Variants in EXT1 observed in about 807,000 individuals in gnomAD.
The protein encoded by EXT1 is exostosin glycosyltransferase 1, also known as exostosin-1.
A neutral mutation model predicts 82.5 loss-of-function variants in EXT1; 20 were observed. That is an observed-to-expected ratio of 0.24 (90% CI 0.17 to 0.35). The LOEUF (loss-of-function observed/expected upper bound fraction) is 0.35. EXT1 is among the 10% of genes least tolerant of loss of function. The pLI, the probability that EXT1 is intolerant of heterozygous loss-of-function variation, is 1.00. For missense variants in EXT1, 757 were observed against 936.5 expected (o/e 0.81, Z 2.50); for synonymous variants, 348 against 350.8 (o/e 0.99, Z 0.09).
At chr8:118,105,553 G>A (rs1410483160) in intron 1 of EXT1, among the ~76,000 whole-genome samples, 2 of 152,044 alleles carry the variant, frequency 1.3e-5, no homozygotes, top group East Asian at 3.9e-4. Flanking sequence ...CAGAAAGCAG[G>A]TTTAGAAAGA....
chr8:117,960,198 G>A (rs921664289), intron 1 of EXT1, among the ~76,000 whole-genome samples: 5 of 152,072 alleles, frequency 3.3e-5, no homozygotes, highest in African/African-American at 1.2e-4. Flanking sequence ...GTGACAGAGC[G>A]AGACTCCATC....
intron 1 of EXT1, among the ~76,000 whole-genome samples, chr8:118,076,861 T>C (rs1019333530): frequency 3.3e-5 from 5 of 152,180 alleles, no homozygotes; most frequent in African/African-American, 7.2e-5. Flanking sequence ...AATCAAGAAT[T>C]ATTAATGAGC....
intron 1 of EXT1, among the ~76,000 whole-genome samples, chr8:118,026,010 C>T (rs1816195343): frequency 6.6e-6 from 1 of 152,178 alleles, no homozygotes; most frequent in Admixed American, 6.5e-5. Flanking sequence ...GACTGCCACA[C>T]TCTGGATGGG....
At chr8:117,829,305 A>T (rs1461058230) in intron 4 of EXT1, among the ~76,000 whole-genome samples, 4 of 150,478 alleles carry the variant, frequency 2.7e-5, no homozygotes, top group Non-Finnish European at 4.4e-5. Flanking sequence ...GTCCTGCCTT[A>T]AAAAAAAAGC....
chr8:117,875,461 TAA>T (rs1812953292), intron 1 of EXT1, among the ~76,000 whole-genome samples: 1 of 118,706 alleles, frequency 8.4e-6, no homozygotes, highest in African/African-American at 3.5e-5. Flanking sequence ...AATAAATAAA[TAA>T]ATAAAATAAT....
intron 1 of EXT1, among the ~76,000 whole-genome samples, chr8:117,980,229 G>C (rs1815158607): frequency 6.6e-6 from 1 of 152,116 alleles, no homozygotes; most frequent in Non-Finnish European, 1.5e-5. Flanking sequence ...AAAGAACAAA[G>C]GATAAGAGAG....
At chr8:117,923,039 A>C (rs1813886269) in intron 1 of EXT1, among the ~76,000 whole-genome samples, 1 of 103,660 alleles carries the variant, frequency 9.6e-6, no homozygotes, top group South Asian at 3.1e-4. Context: ...CCAAAATTTA[A>C]AACTGCCAGG....
At chr8:117,840,719 A>G (rs1043499598) in intron 1 of EXT1, among the ~76,000 whole-genome samples, 2 of 152,218 alleles carry the variant, frequency 1.3e-5, no homozygotes, top group South Asian at 2.1e-4. Flanking sequence ...AACAATAAAA[A>G]GATAAATAAT....
Position 117,895,873 on chromosome 8 carries a change from G to A in EXT1, c.963-58672C>T, listed in dbSNP as rs140825220. Among the ~76,000 whole-genome samples, 56 of 152,186 alleles carry A rather than the reference G, an allele frequency of 3.7e-4. No individual in the cohort carries two copies. The East Asian group carries it at 9.3e-3, about 25-fold the overall frequency. On this transcript the variant is annotated intron_variant, in intron 1 of 10. Coordinates refer to ENST00000378204, the MANE Select transcript of EXT1 (RefSeq NM_000127.3). The stretch of plus-strand genomic sequence containing the variant: ...TGCCTCCGTTCGCATCCAAAGTAAC[G>A]CTCATTACCTGCAAACTCAAACTTC...
At chr8:118,048,593 T>A (rs977392345) in intron 1 of EXT1, among the ~76,000 whole-genome samples, 10 of 152,138 alleles carry the variant, frequency 6.6e-5, no homozygotes, top group Non-Finnish European at 5.9e-5. Flanking sequence ...CAGAAACCTA[T>A]TTTAGAGGGT....
intron 1 of EXT1, among the ~76,000 whole-genome samples, chr8:118,060,552 C>T (rs1345879628): frequency 6.6e-6 from 1 of 152,136 alleles, no homozygotes; most frequent in African/African-American, 2.4e-5. Context: ...GAAGCCAGTC[C>T]CCAGGGGCCT....
intron 1 of EXT1, among the ~76,000 whole-genome samples, chr8:117,936,557 G>A (rs1037185484): frequency 2.0e-5 from 3 of 152,156 alleles, no homozygotes; most frequent in Non-Finnish European, 2.9e-5. Flanking sequence ...TCTATTTTTA[G>A]GAAGATAAGT....
intron 1 of EXT1, among the ~76,000 whole-genome samples, chr8:117,907,719 C>G (rs528657264): frequency 6.6e-6 from 1 of 152,048 alleles, no homozygotes. Context: ...CCACATTGAA[C>G]TTGGTAAGAA....
chr8:117,857,223 A>G (rs974503491), intron 1 of EXT1, among the ~76,000 whole-genome samples: 7 of 152,196 alleles, frequency 4.6e-5, no homozygotes, highest in Admixed American at 4.6e-4. Context: ...GTTTTCATGC[A>G]TGCTAACACA....
At chr8:118,037,246 T>C (rs11562729) in intron 1 of EXT1, among the ~76,000 whole-genome samples, 3,678 of 152,292 alleles carry the variant, frequency 0.024, 136 homozygotes, top group African/African-American at 0.08. Flanking sequence ...CATTTATCTG[T>C]ATGCATTATG....
At chr8:117,923,712 C>A (rs1027063022) in intron 1 of EXT1, among the ~76,000 whole-genome samples, 1 of 146,792 alleles carries the variant, frequency 6.8e-6, no homozygotes, top group African/African-American at 2.5e-5. Flanking sequence ...GGTGACAGGG[C>A]GAGACTCTGT....
chr8:117,918,762 C>T (rs1813800857), intron 1 of EXT1, among the ~76,000 whole-genome samples: 1 of 152,168 alleles, frequency 6.6e-6, no homozygotes, highest in Admixed American at 6.5e-5. Flanking sequence ...GCAGATGCCA[C>T]ATGGAATGGA....
intron 1 of EXT1, among the ~76,000 whole-genome samples, chr8:118,081,385 T>C (rs1254602544): frequency 1.3e-5 from 2 of 152,242 alleles, no homozygotes; most frequent in African/African-American, 4.8e-5. Flanking sequence ...TTTCTCTCTT[T>C]GTTTTAGCTC....
intron 1 of EXT1, among the ~76,000 whole-genome samples, chr8:117,965,944 T>C (rs1197005051): frequency 6.6e-6 from 1 of 152,004 alleles, no homozygotes; most frequent in Non-Finnish European, 1.5e-5. Flanking sequence ...TTCTTTTTCA[T>C]CAAGGGCATG....
Sources: gnomAD v4.1 joint callset for allele counts (sites outside exome capture counted in the v4.1 genomes callset) on GRCh38, gnomAD v4.1.1 for gene constraint, MANE v1.5 for transcripts, NCBI Gene and HGNC (gene_info 2026-07-23, HGNC 2026-07-21) for gene names.